Variants in FAT3 observed in about 807,000 individuals in gnomAD.
FAT3 encodes FAT atypical cadherin 3.
FAT3 carries 95 observed loss-of-function variants against 310.2 expected under a neutral mutation model. The observed-to-expected ratio is 0.31, with a 90% CI of 0.26 to 0.36. The LOEUF is 0.36. FAT3 is among the 10% of genes least tolerant of loss of function. The probability of loss-of-function intolerance (pLI) is 1.00; values close to 1 mark genes in which losing one functional copy is unlikely to be tolerated. For missense variants in FAT3, 5,408 were observed against 5,715.6 expected (o/e 0.95, Z 1.74); for synonymous variants, 2,314 against 2,192.9 (o/e 1.06, Z -1.54).
rs544885641 is a variant in FAT3, at chr11:92,508,863, A to C, written c.3293-15771A>C. 8.5e-5 allele frequency among the ~76,000 whole-genome samples: 13 copies of C among 152,288 alleles called. 1 individual carries two copies. In the South Asian group the frequency reaches 2.3e-3, roughly 27 times the overall value. On this transcript the variant is annotated intron_variant, in intron 2 of 27. Coordinates refer to ENST00000525166, the MANE Select transcript of FAT3 (RefSeq NM_001367949.2). ...ATGGCTAATATCTGACAGCACATCCACCTGAAAATGTTCTTGCTTGAAGAG... is the reference window on the plus strand; with the variant it reads ...ATGGCTAATATCTGACAGCACATCCCCCTGAAAATGTTCTTGCTTGAAGAG...
chr11:92,282,824 C>T (rs915234834), intron 1 of FAT3, among the ~76,000 whole-genome samples: 6 of 152,066 alleles, frequency 3.9e-5, no homozygotes, highest in Non-Finnish European at 5.9e-5. Flanking sequence ...GCTCTGTAAA[C>T]GATTGTTTAC....
chr11:92,456,206 T>C lies in FAT3; in HGVS notation c.3293-68428T>C, dbSNP rs898740566. 3.9e-5 allele frequency among the ~76,000 whole-genome samples: 6 copies of C among 152,320 alleles called. No individual in the cohort carries two copies. In the East Asian group the frequency reaches 1.2e-3, roughly 29 times the overall value. The stretch of plus-strand genomic sequence containing the variant: ...GGTACCTACTTCATAAGGTCTCTCC[T>C]AGGATTAAATAAGTAAAGCCTATCA... On this transcript the variant is annotated intron_variant, in intron 2 of 27. Coordinates refer to ENST00000525166, the MANE Select transcript of FAT3 (RefSeq NM_001367949.2).
intron 2 of FAT3, among the ~76,000 whole-genome samples, chr11:92,389,032 G>A (rs1227589773): frequency 6.6e-6 from 1 of 152,112 alleles, no homozygotes; most frequent in East Asian, 1.9e-4. Flanking sequence ...ACCCCTGTTT[G>A]TTCAGCTCTC....
Position 92,458,648 on chromosome 11 carries a change from TTG to T in FAT3, c.3293-65983_3293-65982del, listed in dbSNP as rs1315592580. ...TCAGTTTCCATGGTGGTGTGGAGCA[TTG>T]TGACTGTTTTAGAGATAAATGGCTT... On this transcript the variant is annotated intron_variant, in intron 2 of 27. Coordinates refer to ENST00000525166, the MANE Select transcript of FAT3 (RefSeq NM_001367949.2). Among the ~76,000 whole-genome samples the T allele has an allele frequency of 2.6e-5, 4 of 152,194 alleles. No homozygotes were observed. The East Asian group carries it at 5.8e-4, about 22-fold the overall frequency.
chr11:92,353,160 A>G lies in FAT3; in HGVS notation c.1048A>G (p.Lys350Glu), dbSNP rs770237901. The G allele has an allele frequency of 6.2e-7, 1 of 1,613,692 alleles. No individual in the cohort carries two copies. Among genetic ancestry groups the G allele is most frequent in the Non-Finnish European group, 8.5e-7 (1 of 1,179,852 alleles). ...CAATCTCACTCTTCAAGCAAAAGAC[A>G]AGGGATCTCCTCAAAAATGTTCAGC... Reference protein sequence around the residue: ...GYNLTLQAKDKGSPQKCSALK... With the variant: ...GYNLTLQAKDEGSPQKCSALK... Residue 350 changes from lysine to glutamate, a missense_variant, in exon 2 of 28, where the codon AAG becomes GAG. Transcript: ENST00000525166.
intron 22 of FAT3, among the ~76,000 whole-genome samples, chr11:92,878,639 A>T (rs1356485917): frequency 1.0e-5 from 1 of 96,522 alleles, no homozygotes; most frequent in African/African-American, 5.7e-5. Flanking sequence ...TGTGTTAAAA[A>T]AAAAAAAAAA....
rs1949964048 is a variant in FAT3 at position 92,893,676 on chromosome 11, T to A, written c.*2563T>A. On this transcript the variant is annotated 3_prime_UTR_variant, in exon 28 of 28. Coordinates refer to ENST00000525166, the MANE Select transcript of FAT3 (RefSeq NM_001367949.2). Reference sequence around the variant, plus strand: ...ATAAAATATCTCTTTCTTTGGGATATCATCCCCTGATTTTCTGCAGAATAG... The same window carrying A: ...ATAAAATATCTCTTTCTTTGGGATAACATCCCCTGATTTTCTGCAGAATAG... 1 of 152,226 alleles carries A rather than the reference T, an allele frequency of 6.6e-6. No individual in the cohort carries two copies. 9.4% of individuals were successfully genotyped at this position (152,226 alleles called of 1,614,324 possible).
chr11:92,788,875 G>A (rs548234887), intron 7 of FAT3, among the ~76,000 whole-genome samples: 1 of 151,970 alleles, frequency 6.6e-6, no homozygotes, highest in Non-Finnish European at 1.5e-5. Flanking sequence ...AAAATTGCAG[G>A]GAAATAGTAA....
chr11:92,309,523 A>G (rs1475870610), intron 1 of FAT3, among the ~76,000 whole-genome samples: 1 of 152,170 alleles, frequency 6.6e-6, no homozygotes, highest in Non-Finnish European at 1.5e-5. Flanking sequence ...TATGGCAAAC[A>G]CTTCACCTTC....
chr11:92,405,995 G>A (rs531620069), intron 2 of FAT3, among the ~76,000 whole-genome samples: 1 of 152,262 alleles, frequency 6.6e-6, no homozygotes, highest in South Asian at 2.1e-4. Context: ...TTGAAACTGT[G>A]AATATTTCAA....
intron 1 of FAT3, among the ~76,000 whole-genome samples, chr11:92,247,257 A>AGGC (rs1321784243): frequency 6.6e-6 from 1 of 151,696 alleles, no homozygotes; most frequent in Non-Finnish European, 1.5e-5. Context: ...AAAATATAGA[A>AGGC]GGCTCTTGCC....
chr11:92,232,624 T>A (rs1010136262), intron 1 of FAT3, among the ~76,000 whole-genome samples: 2 of 141,710 alleles, frequency 1.4e-5, no homozygotes, highest in Admixed American at 1.5e-4. Flanking sequence ...ACTTCAGTGA[T>A]GTCGTTTTTT....
intron 1 of FAT3, among the ~76,000 whole-genome samples, chr11:92,256,672 T>C (rs1865331025): frequency 6.6e-6 from 1 of 152,142 alleles, no homozygotes; most frequent in African/African-American, 2.4e-5. Flanking sequence ...TTAATATTTA[T>C]TATGGATTTA....
intron 1 of FAT3, among the ~76,000 whole-genome samples, chr11:92,315,553 A>ACT (rs1283606989): frequency 7.8e-6 from 1 of 128,574 alleles, no homozygotes; most frequent in African/African-American, 2.8e-5. Flanking sequence ...AGAGAGAGAG[A>ACT]GACTGTGTTG....
At chr11:92,648,813 G>A (rs936891592) in intron 3 of FAT3, among the ~76,000 whole-genome samples, 24 of 152,192 alleles carry the variant, frequency 1.6e-4, no homozygotes, top group African/African-American at 4.3e-4. Context: ...TGCCAGGCAT[G>A]AAGATCCACA....
intron 3 of FAT3, among the ~76,000 whole-genome samples, chr11:92,695,834 T>C (rs1284470607): frequency 1.3e-5 from 2 of 152,134 alleles, no homozygotes; most frequent in Non-Finnish European, 2.9e-5. Flanking sequence ...GCACTGGTTA[T>C]ATGAGGGCAG....
chr11:92,236,538 C>T (rs1864427805), intron 1 of FAT3, among the ~76,000 whole-genome samples: 1 of 152,184 alleles, frequency 6.6e-6, no homozygotes, highest in South Asian at 2.1e-4. Flanking sequence ...TTGGAAAAGG[C>T]TGTGTCTGTC....
chr11:92,844,584 G>A lies in FAT3; in HGVS notation c.11217G>A (p.Leu3739=), dbSNP rs1173707874. Residue 3739 remains leucine, a synonymous_variant, in exon 19 of 28, where the codon TTG becomes TTA. Coordinates refer to ENST00000525166, the MANE Select transcript of FAT3 (RefSeq NM_001367949.2). ...LENIMRISAI[L]EKNCSGLDCQ... ...ATATCATGCGCATCTCAGCCATCTT[G>A]GAGAAGAACTGCTCAGGGCTGGACT... The A allele has an allele frequency of 6.2e-7, 1 of 1,613,962 alleles. No homozygotes were observed. The highest frequency in any genetic ancestry group is 1.1e-5 in the South Asian group (1 of 91,022).
chr11:92,517,943 A>T (rs1373489663), intron 2 of FAT3, among the ~76,000 whole-genome samples: 1 of 152,208 alleles, frequency 6.6e-6, no homozygotes, highest in African/African-American at 2.4e-5. Context: ...ACCAGTTAGA[A>T]TGACAATCAT....
Sources: allele counts gnomAD v4.1 joint callset (sites outside exome capture counted in the v4.1 genomes callset), GRCh38; gene constraint gnomAD v4.1.1; transcripts MANE v1.5; gene names NCBI Gene and HGNC (gene_info 2026-07-23, HGNC 2026-07-21).